CHD6: variants seen among roughly 807,000 people sequenced by gnomAD.
The protein encoded by CHD6 is chromodomain helicase DNA binding protein 6.
A neutral mutation model predicts 276.9 loss-of-function variants in CHD6; 50 were observed. The ratio of observed to expected loss-of-function variants is 0.18; its 90% CI spans 0.14 to 0.23. The LOEUF (loss-of-function observed/expected upper bound fraction) is 0.23, where lower values mean the gene tolerates loss of function less well. CHD6 is among the 10% of genes least tolerant of loss of function. The probability of loss-of-function intolerance (pLI) is 1.00; values close to 1 mark genes in which losing one functional copy is unlikely to be tolerated. For missense variants in CHD6, 2,564 were observed against 3,365.8 expected, an observed-to-expected ratio of 0.76 and a Z score of 5.89; for synonymous variants, 1,173 against 1,229.3, an observed-to-expected ratio of 0.95 and a Z score of 0.96.
chr20:41,440,175 C>T, intron 25 of CHD6, 46 bp from the exon 26 acceptor site: 1 of 1,583,508 alleles, frequency 6.3e-7, no homozygotes, highest in Non-Finnish European at 8.7e-7. Flanking sequence ...TTAGAACTCA[C>T]AATATTTGCT....
intron 1 of CHD6, among the ~76,000 whole-genome samples, chr20:41,591,379 T>TATACACACACACAC (rs1416193560): frequency 6.2e-5 from 9 of 144,100 alleles, no homozygotes; most frequent in African/African-American, 2.3e-4. Flanking sequence ...TATATATATA[T>TATACACACACACAC]ACACACACAC....
intron 1 of CHD6, among the ~76,000 whole-genome samples, chr20:41,578,389 TCA>T (rs1227073584): frequency 7.9e-5 from 12 of 152,220 alleles, no homozygotes; most frequent in Non-Finnish European, 5.9e-5. Context: ...ATGAATTTCC[TCA>T]CAGTTTTTTA....
At chr20:41,528,738 CT>C (rs1252695920) in intron 3 of CHD6, among the ~76,000 whole-genome samples, 1 of 152,110 alleles carries the variant, frequency 6.6e-6, no homozygotes, top group Non-Finnish European at 1.5e-5. Context: ...GAATTTTAGG[CT>C]TTTATCTCTT....
intron 4 of CHD6, among the ~76,000 whole-genome samples, chr20:41,513,538 A>G (rs1218531750): frequency 6.6e-6 from 1 of 152,208 alleles, no homozygotes; most frequent in Non-Finnish European, 1.5e-5. Flanking sequence ...GCAGGGAGAC[A>G]TCTTAAGTGT....
At chr20:41,582,126 C>T (rs2045547119) in intron 1 of CHD6, among the ~76,000 whole-genome samples, 1 of 151,938 alleles carries the variant, frequency 6.6e-6, no homozygotes, top group Non-Finnish European at 1.5e-5. Flanking sequence ...AATCTCAACT[C>T]AATTCAATTA....
chr20:41,518,690 T>C (rs988373794), intron 3 of CHD6, among the ~76,000 whole-genome samples: 2 of 152,170 alleles, frequency 1.3e-5, no homozygotes, highest in Non-Finnish European at 2.9e-5. Context: ...AGACAAGCCA[T>C]TTTAAGTTCC....
chr20:41,406,965 G>A (rs1165317542), intron 36 of CHD6, among the ~76,000 whole-genome samples: 1 of 152,250 alleles, frequency 6.6e-6, no homozygotes, highest in Non-Finnish European at 1.5e-5. Flanking sequence ...TACAAAGTCA[G>A]TGCTGTTTTA....
At chr20:41,513,026 T>G in intron 4 of CHD6, 31 bp from the exon 5 acceptor site, 1 of 1,613,354 alleles carries the variant, frequency 6.2e-7, no homozygotes, top group Non-Finnish European at 8.5e-7. Context: ...TCAGAGAAGC[T>G]CTCTGAGTGA....
chr20:41,407,164 C>T (rs1255222002), intron 36 of CHD6, among the ~76,000 whole-genome samples: 1 of 152,178 alleles, frequency 6.6e-6, no homozygotes, highest in Admixed American at 6.5e-5. Context: ...AGGCAACTCC[C>T]AGGGCTGCAC....
intron 3 of CHD6, among the ~76,000 whole-genome samples, chr20:41,521,378 T>A (rs1407996763): frequency 2.0e-5 from 3 of 152,132 alleles, no homozygotes; most frequent in Non-Finnish European, 4.4e-5. Flanking sequence ...TGGCATAGGA[T>A]TAAGCAAACG....
chr20:41,413,252 G>A, intron 35 of CHD6, 72 bp downstream of exon 35: 1 of 1,286,752 alleles, frequency 7.8e-7, no homozygotes, highest in Non-Finnish European at 1.1e-6. Flanking sequence ...CCCTCAGCAT[G>A]CTTTCATCAA....
At position 41,591,377 on chromosome 20, in the gene CHD6, T is replaced by TACACAC. The variant is rs879822257; in HGVS notation, c.-24+26962_-24+26963insGTGTGT. 3.6e-4 allele frequency among the ~76,000 whole-genome samples: 44 copies of TACACAC among 122,948 alleles called. 1 individual carries two copies. The East Asian group carries it at 4.3e-3, about 12-fold the overall frequency. The allele number at this position is 122,948 out of a possible 152,430, so 80.7% of individuals were successfully genotyped here. On this transcript the variant is annotated intron_variant, in intron 1 of 36. Transcript: ENST00000373233. ...AAGTATAATTTTACATATATATATA[T>TACACAC]ATACACACACACACACACACACACA...
At chr20:41,563,955 C>T in intron 1 of CHD6, 1 of 732,448 alleles carries the variant, frequency 1.4e-6, no homozygotes, top group Non-Finnish European at 2.5e-6. Context: ...TCACCAGTAA[C>T]ACAAGAACTT....
At position 41,421,608 on chromosome 20, in the gene CHD6, T is replaced by A. The variant is rs765416517; in HGVS notation, c.5027A>T (p.Asp1676Val). The A allele has an allele frequency of 6.8e-6, 11 of 1,613,838 alleles. No homozygotes were observed. In the Admixed American group the frequency reaches 1.7e-4, roughly 24 times the overall value. Residue 1676 changes from aspartate (D) to valine (V), a missense_variant, in exon 31 of 37, where the codon GAT becomes GTT. Asp to Val is a radical substitution (Grantham distance 152). This residue lies in a region of CHD6 where 1,024 missense variants were observed against 1,047.9 expected (regional missense o/e 0.98). Coordinates refer to ENST00000373233, the MANE Select transcript of CHD6 (RefSeq NM_032221.5). ...AGAAATAAAGTTTTCACATGTCACA[T>A]CAGGCAGGCTGAGATGATCATCTCT... ...ESRDDHLSLP[D>V]VTCENFISKV...
Position 41,445,736 on chromosome 20 carries a change from T to C in CHD6, c.3806A>G (p.Tyr1269Cys), listed in dbSNP as rs2048046551. The change falls in exon 25 of 37, where the codon TAC (tyrosine) becomes TGC (cysteine). Residue 1269 changes from tyrosine to cysteine, a missense_variant. By Grantham distance (194) the Tyr-to-Cys change is radical. Around this residue, in one of 7 missense-constraint regions of CHD6, gnomAD observed 515 missense variants for 739.5 expected, o/e 0.70. Transcript: ENST00000373233. ...CCACCAGTCCACTGGGATCTCCATG[T>C]AGTCGATGTCAGGCAGAGGTACATC... is the stretch of plus-strand genomic sequence containing the variant. Reference protein sequence around the residue: ...ELDVPLPDIDYMEIPVDWWDA... With the variant: ...ELDVPLPDIDCMEIPVDWWDA... 1 of 1,613,648 alleles carries C rather than the reference T, an allele frequency of 6.2e-7. No homozygotes were observed. Among genetic ancestry groups the C allele is most frequent in the Non-Finnish European group, 8.5e-7 (1 of 1,179,584 alleles).
chr20:41,616,365 A>C (rs987920784), intron 1 of CHD6, among the ~76,000 whole-genome samples: 6 of 152,256 alleles, frequency 3.9e-5, no homozygotes, highest in Non-Finnish European at 5.9e-5. Context: ...CTGCAGAATA[A>C]AAAACGTGAC....
intron 18 of CHD6, among the ~76,000 whole-genome samples, chr20:41,456,333 C>T (rs1055721578): frequency 1.3e-5 from 2 of 151,644 alleles, no homozygotes; most frequent in Admixed American, 6.6e-5. Context: ...TCTTTAAAAA[C>T]CTCCAGATGT....
At chr20:41,551,997 G>C (rs753238745) in intron 1 of CHD6, among the ~76,000 whole-genome samples, 1 of 151,996 alleles carries the variant, frequency 6.6e-6, no homozygotes, top group Non-Finnish European at 1.5e-5. Context: ...TGACAACACT[G>C]AACTTCTCAT....
chr20:41,442,923 T>A (rs948571915), intron 25 of CHD6, among the ~76,000 whole-genome samples: 5 of 152,346 alleles, frequency 3.3e-5, no homozygotes, highest in African/African-American at 4.8e-5. Context: ...TCTGGCCCTA[T>A]GCAGAGTCTG....
Sources: allele counts gnomAD v4.1 joint callset (sites outside exome capture counted in the v4.1 genomes callset), GRCh38; gene constraint gnomAD v4.1.1; regional missense constraint gnomAD v4.1.1; transcripts MANE v1.5; gene names NCBI Gene and HGNC (gene_info 2026-07-23, HGNC 2026-07-21).